The following CACNA1C variants were observed in gnomAD, a reference collection of about 807,000 sequenced individuals.
The protein encoded by CACNA1C is voltage-dependent L-type calcium channel subunit alpha-1C.
In CACNA1C, 30 loss-of-function variants were observed where a neutral mutation model predicts 229.0. The observed-to-expected ratio is 0.13, with a 90% confidence interval of 0.10 to 0.18. The LOEUF (loss-of-function observed/expected upper bound fraction) is 0.18. CACNA1C is among the 10% of genes least tolerant of loss of function. The probability of loss-of-function intolerance (pLI) is 1.00; values close to 1 mark genes in which losing one functional copy is unlikely to be tolerated. For synonymous variants in CACNA1C, 1,114 were observed against 1,132.5 expected (o/e 0.98, Z 0.33); for missense variants, 1,658 against 2,845.0 (o/e 0.58, Z 9.49).
At chr12:2,040,979 C>T (rs971940705) in intron 1 of CACNA1C, among the ~76,000 whole-genome samples, 3 of 152,198 alleles carry the variant, frequency 2.0e-5, no homozygotes, top group Non-Finnish European at 4.4e-5. Context: ...TAATACCTGA[C>T]ACTTTTGTCT....
chr12:2,150,354 A>G (rs1238020127), intron 3 of CACNA1C, among the ~76,000 whole-genome samples: 2 of 151,986 alleles, frequency 1.3e-5, no homozygotes, highest in African/African-American at 4.8e-5. Context: ...AGTGAATGTC[A>G]CCTCCATTCC....
intron 3 of CACNA1C, among the ~76,000 whole-genome samples, chr12:2,241,110 G>T (rs1180612668): frequency 1.3e-5 from 2 of 152,036 alleles, no homozygotes; most frequent in Non-Finnish European, 2.9e-5. Flanking sequence ...ATTTCCTTGC[G>T]AGGCTCCTGG....
chr12:2,232,253 G>GTTTTTTTTTTTTTTTTTTTTTTTTTT (rs769080037), intron 3 of CACNA1C, among the ~76,000 whole-genome samples: 1 of 74,884 alleles, frequency 1.3e-5, no homozygotes, highest in Non-Finnish European at 2.7e-5. Flanking sequence ...TTTTTTTTTT[G>GTTTTTTTTTTTTTTTTTTTTTTTTTT]TTTGTTTGTT....
intron 3 of CACNA1C, among the ~76,000 whole-genome samples, chr12:2,296,926 A>G (rs2094100634): frequency 6.6e-6 from 1 of 152,248 alleles, no homozygotes; most frequent in Admixed American, 6.5e-5. Context: ...GAATCACTTC[A>G]TCACAGATCA....
chr12:2,175,428 A>G (rs1247593574), intron 3 of CACNA1C, among the ~76,000 whole-genome samples: 3 of 151,830 alleles, frequency 2.0e-5, no homozygotes, highest in African/African-American at 7.3e-5. Flanking sequence ...TTGTCCCTTA[A>G]TTTATTCCTT....
intron 34 of CACNA1C, among the ~76,000 whole-genome samples, chr12:2,662,412 A>G (rs1380098523): frequency 1.3e-5 from 2 of 152,244 alleles, no homozygotes; most frequent in Non-Finnish European, 2.9e-5. Flanking sequence ...TATGAAATCA[A>G]TTGTATTCCC....
At chr12:2,500,425 A>G (rs1423671165) in intron 7 of CACNA1C, among the ~76,000 whole-genome samples, 1 of 152,146 alleles carries the variant, frequency 6.6e-6, no homozygotes, top group East Asian at 1.9e-4. Context: ...CCAAGGCTGC[A>G]TTTTCTGTGA....
intron 11 of CACNA1C, among the ~76,000 whole-genome samples, chr12:2,564,170 T>C (rs2049015971): frequency 6.6e-6 from 1 of 152,190 alleles, no homozygotes; most frequent in Non-Finnish European, 1.5e-5. Context: ...AACAAAGTTT[T>C]ATGTAAAAAT....
intron 3 of CACNA1C, among the ~76,000 whole-genome samples, chr12:2,147,742 G>A (rs1173054454): frequency 1.4e-5 from 2 of 147,054 alleles, no homozygotes; most frequent in Non-Finnish European, 1.5e-5. Flanking sequence ...AAATTACAGA[G>A]TGAAAGAAGA....
At chr12:2,569,290 A>G (rs746414022) in intron 13 of CACNA1C, among the ~76,000 whole-genome samples, 26 of 151,926 alleles carry the variant, frequency 1.7e-4, no homozygotes, top group Admixed American at 7.2e-4. Context: ...TTGGATCACA[A>G]CCATCATTTT....
chr12:2,543,048 T>C (rs908013762), intron 9 of CACNA1C, among the ~76,000 whole-genome samples: 4 of 152,206 alleles, frequency 2.6e-5, no homozygotes, highest in African/African-American at 7.2e-5. Context: ...AGATGTTTCT[T>C]GCACTTTCAA....
At chr12:2,002,399 G>A (rs540051466) in intron 1 of CACNA1C, among the ~76,000 whole-genome samples, 2 of 152,352 alleles carry the variant, frequency 1.3e-5, no homozygotes, top group South Asian at 4.1e-4. Context: ...CAGCCTTGAA[G>A]ATTAGAACTT....
chr12:2,528,366 TC>T (rs1379608156), intron 9 of CACNA1C, among the ~76,000 whole-genome samples: 1 of 152,204 alleles, frequency 6.6e-6, no homozygotes, highest in Non-Finnish European at 1.5e-5. Context: ...CCTGATCATT[TC>T]AGTCCATCAG....
At chr12:2,031,407 G>A (rs889202901) in intron 1 of CACNA1C, among the ~76,000 whole-genome samples, 4 of 152,228 alleles carry the variant, frequency 2.6e-5, no homozygotes, top group Admixed American at 2.6e-4. Context: ...GTGGCAGCAC[G>A]GTGAATGGGG....
rs2061896517 is a variant in CACNA1C at position 2,585,028 on chromosome 12, A to G, written c.2340-348A>G. On this transcript the variant is annotated intron_variant, in intron 16 of 46. Coordinates refer to ENST00000399655, the MANE Select transcript of CACNA1C (RefSeq NM_000719.7). The surrounding 1 kb of genome is among the most constrained non-coding windows in gnomAD (Gnocchi z 4.1). ...ACGGGGCCCTATGTTGTATCCTATCATTATCTAGACGGGACAGTTCCAGGC... is the reference window on the plus strand; with the variant it reads ...ACGGGGCCCTATGTTGTATCCTATCGTTATCTAGACGGGACAGTTCCAGGC... 6.6e-6 allele frequency among the ~76,000 whole-genome samples: 1 copy of G among 152,108 alleles called. No individual in the cohort carries two copies. Among genetic ancestry groups the G allele is most frequent in the Admixed American group, 6.5e-5 (1 of 15,280 alleles).
intron 3 of CACNA1C, among the ~76,000 whole-genome samples, chr12:2,417,265 C>T (rs199525428): frequency 4.5e-4 from 68 of 152,302 alleles, no homozygotes; most frequent in Non-Finnish European, 6.8e-4. Context: ...GGCTCCCGCC[C>T]GGTGATGTCC....
intron 3 of CACNA1C, among the ~76,000 whole-genome samples, chr12:2,122,697 C>A (rs1596443616): frequency 6.6e-6 from 1 of 152,258 alleles, no homozygotes; most frequent in Non-Finnish European, 1.5e-5. Flanking sequence ...TTCTTCTGCA[C>A]TCTCCCTTTG....
At chr12:2,255,380 C>G (rs1203578953) in intron 3 of CACNA1C, among the ~76,000 whole-genome samples, 8 of 152,174 alleles carry the variant, frequency 5.3e-5, no homozygotes, top group Admixed American at 4.6e-4. Context: ...CGGGGTGTGA[C>G]AGGCAGGCCC....
At chr12:2,458,444 C>A (rs930627617) in intron 5 of CACNA1C, among the ~76,000 whole-genome samples, 6 of 152,228 alleles carry the variant, frequency 3.9e-5, no homozygotes, top group African/African-American at 1.4e-4. Flanking sequence ...CGCAAGCAAA[C>A]CCCAGCCCAA....
Sources: allele counts gnomAD v4.1 joint callset (sites outside exome capture counted in the v4.1 genomes callset), GRCh38; gene constraint gnomAD v4.1.1; non-coding constraint Gnocchi (gnomAD v3.1); transcripts MANE v1.5; gene names NCBI Gene and HGNC (gene_info 2026-07-23, HGNC 2026-07-21).